COL18A1: variants seen among roughly 807,000 people sequenced by gnomAD.
COL18A1 encodes the protein collagen alpha-1(XVIII) chain.
Under a neutral mutation model 168.0 loss-of-function variants are expected in COL18A1, and 133 were observed. The observed-to-expected ratio is 0.79, with a 90% CI of 0.69 to 0.91. The LOEUF (loss-of-function observed/expected upper bound fraction) is 0.91. Among genes scored for constraint, COL18A1 ranks in the 40% least tolerant of loss-of-function variants. The probability of loss-of-function intolerance (pLI) is 0.00; values close to 1 mark genes in which losing one functional copy is unlikely to be tolerated. For missense variants in COL18A1, 2,126 were observed against 1,925.4 expected (o/e 1.10, Z -1.95); for synonymous variants, 949 against 809.0 (o/e 1.17, Z -2.94).
At position 45,491,278 on chromosome 21, in the gene COL18A1, A is replaced by G. The variant is rs377533410; in HGVS notation, c.2121A>G (p.Gly707=). The part of the protein sequence containing the change: ...VGQPGLPGPP[G]PPGPVVYVSE... ...AGCCGGGCCTCCCTGGCCCCCCCGG[A>G]CCCCCGGGACCTGTGGTCTACGTGT... Residue 707 remains glycine, a synonymous_variant, in exon 22 of 42, where the codon GGA becomes GGG. Coordinates refer to ENST00000651438, the MANE Select transcript of COL18A1 (RefSeq NM_001379500.1). 3.1e-6 allele frequency: 5 copies of G among 1,611,604 alleles called. No individual in the cohort carries two copies. Among genetic ancestry groups the G allele is most frequent in the Non-Finnish European group, 3.4e-6 (4 of 1,179,552 alleles).
intron 30 of COL18A1, 54 bp downstream of exon 30, chr21:45,496,622 GC>G: frequency 1.2e-6 from 1 of 865,542 alleles, no homozygotes; most frequent in Non-Finnish European, 2.0e-6. Flanking sequence ...GTCACACAGA[GC>G]CCCACAGAGG....
chr21:45,504,393 G>A, intron 33 of COL18A1, 23 bp from the exon 34 acceptor site: 1 of 1,608,146 alleles, frequency 6.2e-7, no homozygotes, highest in Non-Finnish European at 8.5e-7. Flanking sequence ...GGGCTCCCGT[G>A]TAACAAGTGT....
chr21:45,431,091 T>A (rs893923043), intron 2 of COL18A1, among the ~76,000 whole-genome samples: 2 of 152,064 alleles, frequency 1.3e-5, no homozygotes, highest in Admixed American at 6.5e-5. Flanking sequence ...AGGCTGGGGG[T>A]GACGCTCCTG....
chr21:45,499,920 T>C (rs2036682463), intron 32 of COL18A1, among the ~76,000 whole-genome samples: 1 of 152,186 alleles, frequency 6.6e-6, no homozygotes, highest in Non-Finnish European at 1.5e-5. Context: ...TCCCGATACA[T>C]CTACAGGTGC....
intron 2 of COL18A1, among the ~76,000 whole-genome samples, chr21:45,449,719 C>A (rs1287912049): frequency 6.6e-6 from 1 of 152,126 alleles, no homozygotes; most frequent in Non-Finnish European, 1.5e-5. Context: ...GGACCTGGAC[C>A]CAGGCCTGGC....
chr21:45,512,320 G>T lies in COL18A1; in HGVS notation c.3942G>T (p.Leu1314=). 2 of 1,612,530 alleles carry T rather than the reference G, an allele frequency of 1.2e-6. No individual in the cohort carries two copies. Among genetic ancestry groups the T allele is most frequent in the Non-Finnish European group, 1.7e-6 (2 of 1,179,812 alleles). Residue 1314 remains leucine, a synonymous_variant, in exon 42 of 42, where the codon CTG becomes CTT. Transcript: ENST00000651438. ...QASSLLGGRL[L]GQSAASCHHA... Reference sequence around the variant, plus strand: ...CCTCGCTGCTGGGGGGCAGGCTCCTGGGGCAGAGTGCCGCGAGCTGCCATC... The same window carrying T: ...CCTCGCTGCTGGGGGGCAGGCTCCTTGGGCAGAGTGCCGCGAGCTGCCATC...
At position 45,498,254 on chromosome 21, in the gene COL18A1, C is replaced by T. The variant is rs1300561031; in HGVS notation, c.2683+593C>T. 1 of 705,060 alleles carries T rather than the reference C, an allele frequency of 1.4e-6. No individual in the cohort carries two copies. Among genetic ancestry groups the T allele is most frequent in the Admixed American group, 2.0e-5 (1 of 49,996 alleles). The allele number at this position is 705,060 out of a possible 1,614,324, so 43.7% of individuals were successfully genotyped here. On this transcript the variant is annotated intron_variant, in intron 32 of 41. Transcript: ENST00000651438. The surrounding 1 kb of genome is among the most constrained non-coding windows in gnomAD (Gnocchi z 4.5). The stretch of plus-strand genomic sequence containing the variant: ...TGTCTGGGGGCTGGCAGAGCAGAAG[C>T]CCAGAGAGCCAGGCTAGCCTCGGGC...
rs776722237 is a variant in COL18A1 at position 45,497,592 on chromosome 21, C to T, written c.2621-7C>T. The T allele has an allele frequency of 8.3e-6, 13 of 1,558,528 alleles. No individual in the cohort carries two copies. Among genetic ancestry groups the T allele is most frequent in the South Asian group, 2.4e-5 (2 of 84,692 alleles). On this transcript the variant is annotated splice_region_variant and splice_polypyrimidine_tract_variant and intron_variant, in intron 31 of 41. Coordinates refer to ENST00000651438, the MANE Select transcript of COL18A1 (RefSeq NM_001379500.1). ...TCCTGATGGGCACTGGGTCTCTCTT[C>T]CTCCAGGGAATCAGGGCCCTCCAGG...
At chr21:45,511,683 C>T (rs572053549) in intron 41 of COL18A1, among the ~76,000 whole-genome samples, 17 of 152,222 alleles carry the variant, frequency 1.1e-4, no homozygotes, top group South Asian at 2.1e-4. Flanking sequence ...ACGTGAGCGC[C>T]GCGATTCTTC....
chr21:45,422,010 C>T (rs34995586), intron 2 of COL18A1, among the ~76,000 whole-genome samples: 17,530 of 152,162 alleles, frequency 0.12, 1,110 homozygotes, highest in African/African-American at 0.14. Flanking sequence ...CGGGCCGATA[C>T]GCACACATGG....
intron 5 of COL18A1, 69 bp from the exon 6 acceptor site, chr21:45,476,282 C>G (rs1301686981): frequency 6.2e-7 from 1 of 1,606,890 alleles, no homozygotes; most frequent in East Asian, 2.2e-5. Context: ...TTTCATTTCA[C>G]AAACCAAGCA....
intron 2 of COL18A1, among the ~76,000 whole-genome samples, chr21:45,461,262 A>G (rs1296550242): frequency 1.3e-5 from 2 of 152,102 alleles, no homozygotes; most frequent in African/African-American, 2.4e-5. Flanking sequence ...TCCCAGATAA[A>G]CAAAAGCTAA....
chr21:45,508,572 C>T (rs907858283), intron 38 of COL18A1, among the ~76,000 whole-genome samples: 29 of 151,718 alleles, frequency 1.9e-4, no homozygotes, highest in Admixed American at 1.6e-3. Context: ...CTAAGTGTTG[C>T]GTCCAGCTGC....
chr21:45,472,810 C>CT (rs11413208), intron 3 of COL18A1, among the ~76,000 whole-genome samples: 33,363 of 152,122 alleles, frequency 0.22, 5,059 homozygotes, highest in African/African-American at 0.43. Context: ...CACACCCCCC[C>CT]ACGCATGAGC....
In COL18A1 at chr21:45,481,665, C is replaced by T. The variant is rs139593271; in HGVS notation, c.1612-298C>T. ...AAAGAACATGCCTAATCCATATTCACGCATGTGGCCAGACTGCCTCTCAGA... is the reference window on the plus strand; with the variant it reads ...AAAGAACATGCCTAATCCATATTCATGCATGTGGCCAGACTGCCTCTCAGA... On this transcript the variant is annotated intron_variant, in intron 13 of 41. Coordinates refer to ENST00000651438, the MANE Select transcript of COL18A1 (RefSeq NM_001379500.1). Among the ~76,000 whole-genome samples the T allele has an allele frequency of 9.2e-5, 14 of 152,350 alleles. No homozygotes were observed. In the East Asian group the frequency reaches 2.1e-3, roughly 23 times the overall value.
At position 45,443,288 on chromosome 21, in the gene COL18A1, G is replaced by A. The variant is rs910737365; in HGVS notation, c.107-24954G>A. Among the ~76,000 whole-genome samples the A allele has an allele frequency of 4.6e-5, 7 of 152,152 alleles. No individual in the cohort carries two copies. Among genetic ancestry groups the A allele is most frequent in the African/African-American group, 7.2e-5 (3 of 41,426 alleles). On this transcript the variant is annotated intron_variant, in intron 2 of 41. Transcript: ENST00000651438. This position sits in a 1 kb window ranked among gnomAD's most constrained non-coding sequence, Gnocchi z 5.2. Reference sequence around the variant, plus strand: ...GCTGTCACAGCTGGGGTCTGGGTAGGTCTGGCAGCCCCATGGGAACCTGGC... The same window carrying A: ...GCTGTCACAGCTGGGGTCTGGGTAGATCTGGCAGCCCCATGGGAACCTGGC...
At chr21:45,438,797 C>T (rs1013768917) in intron 2 of COL18A1, among the ~76,000 whole-genome samples, 4 of 152,308 alleles carry the variant, frequency 2.6e-5, no homozygotes, top group East Asian at 1.9e-4. Context: ...TTATTAGACA[C>T]GTTAGCAGGT....
At chr21:45,441,640 C>T (rs891084613) in intron 2 of COL18A1, among the ~76,000 whole-genome samples, 1 of 152,234 alleles carries the variant, frequency 6.6e-6, no homozygotes, top group African/African-American at 2.4e-5. Flanking sequence ...CAGCCGGCGC[C>T]TTCTACAGAA....
At chr21:45,433,534 C>T (rs1010936281) in intron 2 of COL18A1, among the ~76,000 whole-genome samples, 2 of 152,216 alleles carry the variant, frequency 1.3e-5, no homozygotes, top group African/African-American at 4.8e-5. Context: ...GATGCCGGCC[C>T]AGGGCCTGCA....
Sources: allele counts gnomAD v4.1 joint callset (sites outside exome capture counted in the v4.1 genomes callset), GRCh38; gene constraint gnomAD v4.1.1; non-coding constraint Gnocchi (gnomAD v3.1); transcripts MANE v1.5; gene names NCBI Gene and HGNC (gene_info 2026-07-23, HGNC 2026-07-21).